Variants in POFUT4 observed in about 807,000 individuals in gnomAD.
POFUT4 encodes the protein protein O-fucosyltransferase 4.
At chr10:73,774,047 T>C in the POFUT4 span, 4 of 514,124 alleles carry the variant, frequency 7.8e-6, no homozygotes, top group Non-Finnish European at 1.4e-5. Context: ...GTGAACAATG[T>C]TTCCAGTAGT....
the POFUT4 span, chr10:73,776,357 G>A: frequency 6.6e-6 from 1 of 151,900 alleles, no homozygotes; most frequent in Non-Finnish European, 1.5e-5. Flanking sequence ...TGGGTTTACA[G>A]GCATCAGCCA....
At chr10:73,772,376 G>A in the POFUT4 span, 1 of 1,554,542 alleles carries the variant, frequency 6.4e-7, no homozygotes, top group East Asian at 2.4e-5. Context: ...CCTTCTAGGG[G>A]TGCTCAGTGT....
At chr10:73,775,848 C>A in the POFUT4 span, 2 of 716,482 alleles carry the variant, frequency 2.8e-6, no homozygotes, top group African/African-American at 1.8e-5. Context: ...TGATGAGTAG[C>A]CAAGGTCTAA....
At chr10:73,779,258 TAAAA>T in the POFUT4 span, 127 of 137,066 alleles carry the variant, frequency 9.3e-4, no homozygotes, top group East Asian at 0.013. Flanking sequence ...GACCTCTGTC[TAAAA>T]AAAAAAAAAA....
the POFUT4 span, chr10:73,779,684 AATT>A: frequency 2.0e-5 from 3 of 152,108 alleles, no homozygotes; most frequent in African/African-American, 7.3e-5. Context: ...TAGAGTGCAT[AATT>A]ATTACACAAG....
chr10:73,780,017 GA>G, the POFUT4 span: 1 of 152,300 alleles, frequency 6.6e-6, no homozygotes, highest in Non-Finnish European at 1.5e-5. Context: ...GATACTTACC[GA>G]AAGCTTCACT....
the POFUT4 span, among the ~76,000 whole-genome samples, chr10:73,777,841 C>T: frequency 3.3e-5 from 5 of 151,134 alleles, no homozygotes; most frequent in African/African-American, 4.9e-5. Context: ...AGGCGTGAGC[C>T]ACCGTGCCCA....
chr10:73,776,158 G>C, the POFUT4 span: 1 of 153,018 alleles, frequency 6.5e-6, no homozygotes, highest in East Asian at 1.9e-4. Context: ...CAAAACATTT[G>C]GTGAGTTGTA....
At chr10:73,777,386 T>G in the POFUT4 span, among the ~76,000 whole-genome samples, 5 of 152,126 alleles carry the variant, frequency 3.3e-5, no homozygotes, top group Admixed American at 6.6e-5. Flanking sequence ...TAATGAAGTG[T>G]TCCCTCTATT....
At chr10:73,777,148 G>A in the POFUT4 span, among the ~76,000 whole-genome samples, 1 of 152,122 alleles carries the variant, frequency 6.6e-6, no homozygotes, top group South Asian at 2.1e-4. Context: ...GCTGTTATAT[G>A]CCTTGTCAAT....
the POFUT4 span, chr10:73,773,089 GGCC>G: frequency 6.6e-6 from 10 of 1,524,352 alleles, no homozygotes; most frequent in South Asian, 1.0e-4. Context: ...GGCGGGTTGA[GGCC>G]AGGACTCCAG....
chr10:73,773,599 G>C, the POFUT4 span: 1 of 1,614,258 alleles, frequency 6.2e-7, no homozygotes, highest in Non-Finnish European at 8.5e-7. Context: ...CATCGGGAGT[G>C]GGGAGTGAAT....
chr10:73,775,716 A>G, the POFUT4 span: 1 of 1,610,984 alleles, frequency 6.2e-7, no homozygotes, highest in Non-Finnish European at 8.5e-7. Context: ...AACTTGGCGG[A>G]GCTAAGGAGA....
the POFUT4 span, among the ~76,000 whole-genome samples, chr10:73,778,018 C>T: frequency 6.6e-6 from 1 of 151,538 alleles, no homozygotes; most frequent in Non-Finnish European, 1.5e-5. Flanking sequence ...ACTACCATGC[C>T]TGGCTAATTT....
the POFUT4 span, chr10:73,772,554 A>T: frequency 6.4e-7 from 1 of 1,572,542 alleles, no homozygotes; most frequent in African/African-American, 1.4e-5. Flanking sequence ...GAGGCGGGGG[A>T]CTTGCCGGTA....
the POFUT4 span, chr10:73,775,931 T>A: frequency 2.0e-6 from 1 of 495,700 alleles, no homozygotes; most frequent in South Asian, 2.9e-5. Context: ...CCCTAAAACA[T>A]CCATTTGATT....
chr10:73,779,907 TTC>T, the POFUT4 span: 4 of 152,250 alleles, frequency 2.6e-5, no homozygotes, highest in Non-Finnish European at 5.9e-5. Flanking sequence ...TTTCCAGACT[TTC>T]TCCTTTATTC....
At chr10:73,775,209 T>TGC in the POFUT4 span, 1 of 589,164 alleles carries the variant, frequency 1.7e-6, no homozygotes, top group African/African-American at 1.9e-5. Context: ...TAAAGACCCC[T>TGC]GCCCCCTTGC....
the POFUT4 span, chr10:73,773,649 TTC>T: frequency 6.2e-7 from 1 of 1,614,256 alleles, no homozygotes. Context: ...CTTCGAGTGT[TTC>T]GTCTGTGACT....
Sources: allele counts gnomAD v4.1 joint callset (sites outside exome capture counted in the v4.1 genomes callset), GRCh38; gene constraint gnomAD v4.1.1; transcripts MANE v1.5; gene names NCBI Gene and HGNC (gene_info 2026-07-23, HGNC 2026-07-21).